PPFIA2: variants seen among roughly 807,000 people sequenced by gnomAD.
PPFIA2 encodes PPFI scaffold protein A2.
Under a neutral mutation model 175.5 loss-of-function variants are expected in PPFIA2, and 46 were observed. The ratio of observed to expected loss-of-function variants is 0.26; its 90% CI spans 0.21 to 0.34. The LOEUF is 0.34. PPFIA2 is among the 10% of genes least tolerant of loss of function. The pLI is 1.00. For synonymous variants in PPFIA2, 568 were observed against 511.4 expected (o/e 1.11, Z -1.49); for missense variants, 1,179 against 1,506.1 (o/e 0.78, Z 3.60).
chr12:81,465,711 C>A (rs904392100), intron 4 of PPFIA2, among the ~76,000 whole-genome samples: 1 of 152,052 alleles, frequency 6.6e-6, no homozygotes, highest in Non-Finnish European at 1.5e-5. Context: ...ACAGGACATA[C>A]TTTCTAGAAC....
At chr12:81,289,048 G>A (rs1049516057) in intron 24 of PPFIA2, among the ~76,000 whole-genome samples, 21 of 151,750 alleles carry the variant, frequency 1.4e-4, no homozygotes, top group African/African-American at 5.1e-4. Context: ...TATGACCTTA[G>A]GTGAGTCAGT....
At chr12:81,271,606 T>C (rs149029818) in intron 28 of PPFIA2, among the ~76,000 whole-genome samples, 1 of 152,290 alleles carries the variant, frequency 6.6e-6, no homozygotes, top group African/African-American at 2.4e-5. Context: ...TATATTATTA[T>C]TTTAGTAGTG....
chr12:81,551,746 T>C (rs921930569), intron 4 of PPFIA2, among the ~76,000 whole-genome samples: 1 of 151,960 alleles, frequency 6.6e-6, no homozygotes, highest in Non-Finnish European at 1.5e-5. Context: ...AAGTGATTTT[T>C]GTATTGTATA....
At chr12:81,733,681 C>A (rs937352838) in intron 3 of PPFIA2, among the ~76,000 whole-genome samples, 1 of 151,672 alleles carries the variant, frequency 6.6e-6, no homozygotes, top group African/African-American at 2.4e-5. Flanking sequence ...TCAACAGATG[C>A]TTCTTCCTAT....
At chr12:81,392,303 G>A (rs1004826616) in intron 8 of PPFIA2, among the ~76,000 whole-genome samples, 1 of 151,864 alleles carries the variant, frequency 6.6e-6, no homozygotes, top group Non-Finnish European at 1.5e-5. Context: ...TGTAGGAGAA[G>A]CAGATTTGTG....
chr12:81,682,457 G>C (rs1293861581), intron 3 of PPFIA2, among the ~76,000 whole-genome samples: 1 of 151,814 alleles, frequency 6.6e-6, no homozygotes, highest in African/African-American at 2.4e-5. Flanking sequence ...TTGTAATTTG[G>C]GACTAGTTTT....
At chr12:81,372,513 G>GAAAAAAAAAAAAAAAAAA (rs3075257) in intron 11 of PPFIA2, among the ~76,000 whole-genome samples, 5 of 93,666 alleles carry the variant, frequency 5.3e-5, no homozygotes, top group Non-Finnish European at 1.0e-4. Context: ...AATTGAAACA[G>GAAAAAAAAAAAAAAAAAA]AAAAAAAAAA....
chr12:81,492,811 G>A (rs2059558291), intron 4 of PPFIA2, among the ~76,000 whole-genome samples: 1 of 152,012 alleles, frequency 6.6e-6, no homozygotes, highest in Non-Finnish European at 1.5e-5. Flanking sequence ...CCTTTCAGCT[G>A]CTATTTGAGG....
At chr12:81,600,973 T>C (rs1042268167) in intron 4 of PPFIA2, among the ~76,000 whole-genome samples, 1 of 151,970 alleles carries the variant, frequency 6.6e-6, no homozygotes, top group African/African-American at 2.4e-5. Flanking sequence ...AAATCAAATG[T>C]TTTTGGTAAA....
chr12:81,419,415 G>A (rs963793159), intron 7 of PPFIA2, among the ~76,000 whole-genome samples: 1 of 151,958 alleles, frequency 6.6e-6, no homozygotes, highest in African/African-American at 2.4e-5. Flanking sequence ...TATTATTGTT[G>A]TTTTTATAAA....
chr12:81,499,050 C>T (rs1254158966), intron 4 of PPFIA2, among the ~76,000 whole-genome samples: 2 of 152,172 alleles, frequency 1.3e-5, no homozygotes, highest in Non-Finnish European at 2.9e-5. Context: ...TGGCCATAAG[C>T]CAATACTATA....
intron 25 of PPFIA2, among the ~76,000 whole-genome samples, chr12:81,283,304 C>T (rs895611636): frequency 1.3e-4 from 19 of 151,240 alleles, no homozygotes; most frequent in African/African-American, 4.4e-4. Context: ...TCATTACAAA[C>T]CTTTTTTTAA....
In PPFIA2 at chr12:81,491,439, T is replaced by C. The variant is rs146894833; in HGVS notation, c.304-33573A>G. ...TTTAGAGGATAAAATGAATTGTCTT[T>C]ATTTATTGCTAGAGAGTGAATGTGA... On this transcript the variant is annotated intron_variant, in intron 4 of 32. Transcript: ENST00000549396. 2.7e-4 allele frequency among the ~76,000 whole-genome samples: 41 copies of C among 152,108 alleles called. 1 individual carries two copies. Among genetic ancestry groups the C allele is most frequent in the Middle Eastern group, 3.4e-3 (1 of 294 alleles).
intron 4 of PPFIA2, among the ~76,000 whole-genome samples, chr12:81,609,968 G>A (rs931434504): frequency 6.6e-6 from 1 of 152,144 alleles, no homozygotes; most frequent in African/African-American, 2.4e-5. Context: ...AACTAGTCTA[G>A]TTGAAAACAA....
intron 8 of PPFIA2, among the ~76,000 whole-genome samples, chr12:81,405,146 G>A (rs947358760): frequency 3.3e-5 from 5 of 152,106 alleles, no homozygotes; most frequent in African/African-American, 1.2e-4. Flanking sequence ...GCAACAGAGC[G>A]CTAGTTTCCT....
At chr12:81,619,895 C>A (rs554408079) in intron 4 of PPFIA2, among the ~76,000 whole-genome samples, 1 of 152,160 alleles carries the variant, frequency 6.6e-6, no homozygotes, top group African/African-American at 2.4e-5. Flanking sequence ...CGCGGTGGCT[C>A]ACGCCTGTAA....
intron 3 of PPFIA2, among the ~76,000 whole-genome samples, chr12:81,684,918 A>T (rs1226562514): frequency 6.6e-6 from 1 of 152,080 alleles, no homozygotes; most frequent in East Asian, 1.9e-4. Context: ...CAATACATTA[A>T]ATTCATCCTC....
chr12:81,589,967 T>C (rs1038363865), intron 4 of PPFIA2, among the ~76,000 whole-genome samples: 1 of 152,158 alleles, frequency 6.6e-6, no homozygotes, highest in African/African-American at 2.4e-5. Flanking sequence ...GTTAAAGCTA[T>C]CTTTGTATTT....
At chr12:81,541,026 T>G (rs143834624) in intron 4 of PPFIA2, among the ~76,000 whole-genome samples, 1 of 152,240 alleles carries the variant, frequency 6.6e-6, no homozygotes, top group East Asian at 1.9e-4. Flanking sequence ...TCTTGCACAT[T>G]ATATACATAG....
Sources: gnomAD v4.1 joint callset for allele counts (sites outside exome capture counted in the v4.1 genomes callset) on GRCh38, gnomAD v4.1.1 for gene constraint, MANE v1.5 for transcripts, NCBI Gene and HGNC (gene_info 2026-07-23, HGNC 2026-07-21) for gene names.